RBFOX1: variants seen among roughly 807,000 people sequenced by gnomAD.
The protein encoded by RBFOX1 is RNA binding protein fox-1 homolog 1.
RBFOX1 carries 8 observed loss-of-function variants against 57.7 expected under a neutral mutation model. That is an observed-to-expected ratio of 0.14 (90% CI 0.08 to 0.25). The LOEUF is 0.25. Among genes scored for constraint, RBFOX1 ranks in the 10% least tolerant of loss-of-function variants. RBFOX1 has a pLI of 1.00. For missense variants in RBFOX1, 611 were observed against 548.5 expected (o/e 1.11, Z -1.14); for synonymous variants, 326 against 222.4 (o/e 1.47, Z -4.15).
chr16:7,573,829 T>G (rs2093040182), intron 5 of RBFOX1, among the ~76,000 whole-genome samples: 1 of 134,102 alleles, frequency 7.5e-6, no homozygotes, highest in African/African-American at 2.5e-5. Context: ...AACAAGACTC[T>G]GTCTCAAAAA....
chr16:6,206,491 C>G (rs759562435), intron 1 of RBFOX1, among the ~76,000 whole-genome samples: 4 of 152,176 alleles, frequency 2.6e-5, no homozygotes, highest in African/African-American at 4.8e-5. Context: ...CTCACCAAAA[C>G]ACAGGCTCCC....
At chr16:7,500,835 C>T (rs2070533940) in intron 4 of RBFOX1, among the ~76,000 whole-genome samples, 1 of 152,154 alleles carries the variant, frequency 6.6e-6, no homozygotes, top group South Asian at 2.1e-4. Flanking sequence ...TCCCATAATC[C>T]CCATGTCTCG....
chr16:6,621,637 A>G (rs767162499), intron 2 of RBFOX1, among the ~76,000 whole-genome samples: 2 of 152,218 alleles, frequency 1.3e-5, no homozygotes, highest in African/African-American at 2.4e-5. Flanking sequence ...TCGGGGGCAC[A>G]TTGTAATTGA....
intron 4 of RBFOX1, among the ~76,000 whole-genome samples, chr16:7,216,219 T>G (rs1434999465): frequency 6.6e-6 from 1 of 152,168 alleles, no homozygotes. Context: ...TATTGGCTAT[T>G]GTGAATCATG....
intron 4 of RBFOX1, among the ~76,000 whole-genome samples, chr16:7,470,487 GA>G (rs1252546292): frequency 6.6e-6 from 1 of 151,572 alleles, no homozygotes; most frequent in Non-Finnish European, 1.5e-5. Flanking sequence ...ATGGATAGTT[GA>G]ATGGATGGAA....
At position 7,442,083 on chromosome 16, in the gene RBFOX1, T is replaced by C. The variant is rs558304960; in HGVS notation, c.28-76064T>C. ...AGAAAACATCTGGTAATGAATCCAT[T>C]AGGCAGGCTGTTGCTCAGCCTCCAG... On this transcript the variant is annotated intron_variant, in intron 4 of 15. Coordinates refer to ENST00000550418, the MANE Select transcript of RBFOX1 (RefSeq NM_018723.4). Among the ~76,000 whole-genome samples, 3 of 152,256 alleles carry C rather than the reference T, an allele frequency of 2.0e-5. No individual in the cohort carries two copies. In the East Asian group the frequency reaches 5.8e-4, roughly 29 times the overall value.
At chr16:6,920,499 C>G (rs905062637) in intron 3 of RBFOX1, among the ~76,000 whole-genome samples, 2 of 152,192 alleles carry the variant, frequency 1.3e-5, no homozygotes, top group African/African-American at 4.8e-5. Flanking sequence ...TCCACAGAGG[C>G]TCTTGTAATT....
chr16:7,077,727 T>G (rs918137871), intron 4 of RBFOX1, among the ~76,000 whole-genome samples: 13 of 152,228 alleles, frequency 8.5e-5, no homozygotes, highest in African/African-American at 3.1e-4. Flanking sequence ...GTTCTGGGGT[T>G]GTGCAAGTAT....
At chr16:5,436,100 G>A (rs1019515394) in intron 1 of RBFOX1, among the ~76,000 whole-genome samples, 3 of 152,216 alleles carry the variant, frequency 2.0e-5, no homozygotes, top group Non-Finnish European at 4.4e-5. Flanking sequence ...CAATCCAGGA[G>A]GGGAGGGGGC....
intron 1 of RBFOX1, among the ~76,000 whole-genome samples, chr16:5,321,428 T>G (rs2064403145): frequency 6.6e-6 from 1 of 152,128 alleles, no homozygotes; most frequent in African/African-American, 2.4e-5. Flanking sequence ...CATGCCATTA[T>G]CCTGCCTCAG....
intron 4 of RBFOX1, among the ~76,000 whole-genome samples, chr16:5,960,640 C>G (rs116861202): frequency 2.0e-5 from 3 of 152,250 alleles, no homozygotes; most frequent in Non-Finnish European, 2.9e-5. Flanking sequence ...CCTCTAGCTC[C>G]TCATGAAGTG....
At chr16:7,307,295 GCTTT>G (rs1684829968) in intron 4 of RBFOX1, among the ~76,000 whole-genome samples, 1 of 152,154 alleles carries the variant, frequency 6.6e-6, no homozygotes, top group African/African-American at 2.4e-5. Flanking sequence ...TTCATTAAAT[GCTTT>G]CTTTGTCTCA....
intron 2 of RBFOX1, among the ~76,000 whole-genome samples, chr16:6,599,131 G>A (rs999758305): frequency 2.6e-5 from 4 of 152,122 alleles, no homozygotes; most frequent in African/African-American, 9.7e-5. Context: ...ACGGTCATTT[G>A]GCGTTATCCA....
In RBFOX1 at chr16:6,980,423, C is replaced by G. The variant is rs555335216; in HGVS notation, c.-15-71634C>G. Among the ~76,000 whole-genome samples, 4 of 152,208 alleles carry G rather than the reference C, an allele frequency of 2.6e-5. No homozygotes were observed. In the East Asian group the frequency reaches 5.8e-4, roughly 22 times the overall value. The stretch of plus-strand genomic sequence containing the variant: ...AGAGTTTACTTGCCATTTTCAAACA[C>G]AGAAAGATATGTTTACAAAAGCAAA... On this transcript the variant is annotated intron_variant, in intron 3 of 15. Transcript: ENST00000550418.
intron 3 of RBFOX1, among the ~76,000 whole-genome samples, chr16:6,903,136 G>C (rs1248411973): frequency 1.3e-5 from 2 of 152,144 alleles, no homozygotes; most frequent in Non-Finnish European, 2.9e-5. Context: ...CATCATAAGT[G>C]ACTTCACTTG....
At chr16:6,559,513 G>C (rs2097151549) in intron 2 of RBFOX1, among the ~76,000 whole-genome samples, 1 of 152,022 alleles carries the variant, frequency 6.6e-6, no homozygotes, top group Non-Finnish European at 1.5e-5. Context: ...TGAATTTCAT[G>C]TTGAGGAAAT....
At chr16:6,639,263 TTC>T (rs1178442292) in intron 2 of RBFOX1, among the ~76,000 whole-genome samples, 2 of 152,230 alleles carry the variant, frequency 1.3e-5, no homozygotes, top group East Asian at 1.9e-4. Context: ...TCTGATGTCT[TTC>T]TGTCTATCTG....
In RBFOX1 at chr16:7,510,334, T is replaced by C. The variant is rs996890519; in HGVS notation, c.28-7813T>C. 6.1e-6 allele frequency: 6 copies of C among 985,530 alleles called. No individual in the cohort carries two copies. In the African/African-American group the frequency reaches 1.0e-4, roughly 17 times the overall value. 61.0% of individuals were successfully genotyped at this position (985,530 alleles called of 1,614,324 possible). A position where few individuals can be genotyped will look rare whatever the true frequency, so the allele number is the denominator to read the frequency against. ...GCAGGTATTTTTGTTTTTTTTTCCATTTAATCTTTCACTCAAAATTGCGAT... is the reference window on the plus strand; with the variant it reads ...GCAGGTATTTTTGTTTTTTTTTCCACTTAATCTTTCACTCAAAATTGCGAT... On this transcript the variant is annotated intron_variant, in intron 4 of 15. Coordinates refer to ENST00000550418, the MANE Select transcript of RBFOX1 (RefSeq NM_018723.4).
intron 4 of RBFOX1, among the ~76,000 whole-genome samples, chr16:7,052,619 T>C (rs2050497194): frequency 1.3e-5 from 2 of 152,160 alleles, no homozygotes; most frequent in South Asian, 4.1e-4. Flanking sequence ...CCTTATATTC[T>C]GTTTCCCCAC....
Sources: gnomAD v4.1 joint callset for allele counts (sites outside exome capture counted in the v4.1 genomes callset) on GRCh38, gnomAD v4.1.1 for gene constraint, MANE v1.5 for transcripts, NCBI Gene and HGNC (gene_info 2026-07-23, HGNC 2026-07-21) for gene names.